The following TMEM220 variants were observed in gnomAD, a reference collection of about 807,000 sequenced individuals.
The protein encoded by TMEM220 is transmembrane protein 220.
Under a neutral mutation model 21.7 loss-of-function variants are expected in TMEM220, and 21 were observed. The observed-to-expected ratio is 0.97, with a 90% CI of 0.69 to 1.39. The LOEUF is 1.39. Among genes scored for constraint, TMEM220 ranks in the 40% most tolerant of loss-of-function variants. The pLI is 0.00. For missense variants in TMEM220, 191 were observed against 201.9 expected (o/e 0.95, Z 0.33); for synonymous variants, 80 against 73.6 (o/e 1.09, Z -0.45).
chr17:10,716,570 T>C (rs2074924598), intron 5 of TMEM220: 1 of 547,880 alleles, frequency 1.8e-6, no homozygotes, highest in Non-Finnish European at 3.6e-6. Flanking sequence ...CACCGCGGTC[T>C]GCACCCAACA....
intron 5 of TMEM220, chr17:10,716,061 CAATA>C (rs767546488): frequency 9.9e-6 from 7 of 706,292 alleles, no homozygotes; most frequent in Non-Finnish European, 1.8e-5. Context: ...ATGTCCACAT[CAATA>C]TTCAGTTTAG....
chr17:10,728,224 G>A (rs907229891), intron 2 of TMEM220, among the ~76,000 whole-genome samples: 1 of 149,950 alleles, frequency 6.7e-6, no homozygotes, highest in South Asian at 2.1e-4. Context: ...CCTCCAAATG[G>A]TTCAAATCAG....
chr17:10,726,261 C>A lies in TMEM220; in HGVS notation c.106G>T (p.Val36Leu). The A allele has an allele frequency of 1.9e-6, 3 of 1,613,760 alleles. No homozygotes were observed. The highest frequency in any genetic ancestry group is 2.2e-5 in the South Asian group (2 of 91,066). The change falls in exon 3 of 6, where the codon GTG (valine) becomes TTG (leucine). Residue 36 changes from valine to leucine, a missense_variant. Transcript: ENST00000341871. ...NDPDAEVWVV[V>L]YTIPAVLTLL... ...GTCAGTACTGCAGGGATTGTGTACA[C>A]CACCTGTTAGCAAAAAGGGAGGAAA...
intron 5 of TMEM220, chr17:10,716,297 C>T (rs2074920197): frequency 3.0e-6 from 2 of 666,806 alleles, no homozygotes; most frequent in South Asian, 2.7e-5. Context: ...AACGCATCAT[C>T]CTCTTTGGTA....
rs141270796 is a variant in TMEM220 at position 10,719,640 on chromosome 17, T to C, written c.347+3630A>G. ...ACCATACAGGTATTAGAAGAAAACT[T>C]GGGTAAGTTACATTACAACCTGAGA... is the stretch of plus-strand genomic sequence containing the variant. On this transcript the variant is annotated intron_variant, in intron 5 of 5. Coordinates refer to ENST00000341871, the MANE Select transcript of TMEM220 (RefSeq NM_001004313.3). Among the ~76,000 whole-genome samples, 47 of 152,292 alleles carry C rather than the reference T, an allele frequency of 3.1e-4. No homozygotes were observed. In the East Asian group the frequency reaches 7.9e-3, roughly 26 times the overall value.
rs2075033499 is a variant in TMEM220 at position 10,725,055 on chromosome 17, G to C, written c.243C>G (p.Leu81=). ...TVWAVGLASY[L]LHRTQQNILH... Reference sequence around the variant, plus strand: ...AGATGTTCTGTTGTGTACGATGCAAGAGGTAGGACGCCAAGCCAACAGCCC... The same window carrying C: ...AGATGTTCTGTTGTGTACGATGCAACAGGTAGGACGCCAAGCCAACAGCCC... The change falls in exon 4 of 6, where the codon CTC becomes CTG. Residue 81 remains leucine (L), a synonymous_variant. Coordinates refer to ENST00000341871, the MANE Select transcript of TMEM220 (RefSeq NM_001004313.3). The C allele has an allele frequency of 6.2e-7, 1 of 1,614,002 alleles. No homozygotes were observed.
Position 10,725,142 on chromosome 17 carries a change from T to G in TMEM220, c.164-8A>C. On this transcript the variant is annotated splice_region_variant and splice_polypyrimidine_tract_variant and intron_variant, in intron 3 of 5. Transcript: ENST00000341871. The stretch of plus-strand genomic sequence containing the variant: ...TTTTCCAAATAACATTACCTAAAAA[T>G]AGATGTTCTGATGTTGTTAACCACG... 6.2e-7 allele frequency: 1 copy of G among 1,613,572 alleles called. No individual in the cohort carries two copies. Among genetic ancestry groups the G allele is most frequent in the African/African-American group, 1.3e-5 (1 of 74,954 alleles).
At chr17:10,720,844 AT>A (rs1373593095) in intron 5 of TMEM220, among the ~76,000 whole-genome samples, 1 of 152,130 alleles carries the variant, frequency 6.6e-6, no homozygotes, top group Non-Finnish European at 1.5e-5. Context: ...TCATTTGGAG[AT>A]TGCATTTGTA....
At chr17:10,726,309 C>T (rs1158195893) in intron 2 of TMEM220, 45 bp from the exon 3 acceptor site, 1 of 1,417,820 alleles carries the variant, frequency 7.1e-7, no homozygotes, top group Non-Finnish European at 1.0e-6. Flanking sequence ...AGATGTATGC[C>T]CAATATATGA....
At chr17:10,718,855 A>G (rs73974834) in intron 5 of TMEM220, among the ~76,000 whole-genome samples, 3,612 of 152,330 alleles carry the variant, frequency 0.024, 153 homozygotes, top group African/African-American at 0.082. Context: ...GGCCAAACAT[A>G]TAGTCTTTTT....
intron 2 of TMEM220, among the ~76,000 whole-genome samples, chr17:10,728,454 C>T (rs1225456118): frequency 6.6e-6 from 1 of 151,826 alleles, no homozygotes; most frequent in Non-Finnish European, 1.5e-5. Context: ...GGACTACAGG[C>T]GCATGCCACC....
intron 5 of TMEM220, among the ~76,000 whole-genome samples, chr17:10,717,870 C>CTGGA (rs2151472104): frequency 6.6e-6 from 1 of 151,808 alleles, no homozygotes; most frequent in South Asian, 2.1e-4. Context: ...GTCACCCAGG[C>CTGGA]TGGAGTACAG....
At chr17:10,716,186 C>T in intron 5 of TMEM220, 2 of 895,810 alleles carry the variant, frequency 2.2e-6, no homozygotes, top group Non-Finnish European at 3.6e-6. Flanking sequence ...GATTGACTGA[C>T]ATCAATAAGG....
Position 10,723,307 on chromosome 17 carries a change from T to C in TMEM220, c.310A>G (p.Ile104Val), listed in dbSNP as rs2075014248. The C allele has an allele frequency of 6.2e-7, 1 of 1,614,110 alleles. No individual in the cohort carries two copies. The highest frequency in any genetic ancestry group is 8.5e-7 in the Non-Finnish European group (1 of 1,179,996). Residue 104 changes from isoleucine (I) to valine (V), a missense_variant, in exon 5 of 6, where the codon ATT (isoleucine) becomes GTT (valine). Coordinates refer to ENST00000341871, the MANE Select transcript of TMEM220 (RefSeq NM_001004313.3). ...TGGCACAGGATAATCCATGCTGTAATAATCACCAGACCAGACAGCTCCCTA... is the reference window on the plus strand; with the variant it reads ...TGGCACAGGATAATCCATGCTGTAACAATCACCAGACCAGACAGCTCCCTA... Reference protein sequence around the residue: ...EGRELSGLVIITAWIILCHSS... With the variant: ...EGRELSGLVIVTAWIILCHSS...
intron 5 of TMEM220, among the ~76,000 whole-genome samples, chr17:10,722,486 T>C (rs17816912): frequency 0.16 from 23,779 of 152,222 alleles, 2,099 homozygotes; most frequent in Admixed American, 0.25. Flanking sequence ...ATTTTAATGC[T>C]ACCAGTGGTT....
chr17:10,718,574 CT>C (rs2151472827), intron 5 of TMEM220, among the ~76,000 whole-genome samples: 1 of 151,974 alleles, frequency 6.6e-6, no homozygotes, highest in South Asian at 2.1e-4. Context: ...GTACTTATGT[CT>C]ATATGTTTCC....
At chr17:10,715,891 C>A in intron 5 of TMEM220, 1 of 340,678 alleles carries the variant, frequency 2.9e-6, no homozygotes, top group Non-Finnish European at 5.3e-6. Flanking sequence ...AAGAATTTCC[C>A]TCACCAAGGT....
At chr17:10,711,544 C>T, downstream of TMEM220, among the ~76,000 whole-genome samples, 1 of 152,292 alleles carries the variant, frequency 6.6e-6, no homozygotes, top group Admixed American at 6.5e-5. Context: ...GAGCTTTGGA[C>T]AATTTCTGCT....
In TMEM220 at chr17:10,715,593, A is replaced by G. The variant is rs2074906694; in HGVS notation, c.348-5T>C. The G allele has an allele frequency of 6.4e-7, 1 of 1,563,536 alleles. No individual in the cohort carries two copies. Among genetic ancestry groups the G allele is most frequent in the Non-Finnish European group, 8.6e-7 (1 of 1,165,334 alleles). On this transcript the variant is annotated splice_polypyrimidine_tract_variant and splice_region_variant and intron_variant, in intron 5 of 5. Transcript: ENST00000341871. ...ATTCTTCCACCAACTGGATTCCTAT[A>G]AAGACACAAAAATTATTATAAATAA... is the stretch of plus-strand genomic sequence containing the variant.
Sources: gnomAD v4.1 joint callset for allele counts (sites outside exome capture counted in the v4.1 genomes callset) on GRCh38, gnomAD v4.1.1 for gene constraint, MANE v1.5 for transcripts, NCBI Gene and HGNC (gene_info 2026-07-23, HGNC 2026-07-21) for gene names.